The following CACNA2D3 variants were observed in gnomAD, a reference collection of about 807,000 sequenced individuals.
CACNA2D3 encodes the protein voltage-dependent calcium channel subunit alpha-2/delta-3.
CACNA2D3 carries 60 observed loss-of-function variants against 160.6 expected under a neutral mutation model. The observed-to-expected ratio is 0.37, with a 90% CI of 0.30 to 0.46. The LOEUF is 0.46. Among genes scored for constraint, CACNA2D3 ranks in the 20% least tolerant of loss-of-function variants. The probability of loss-of-function intolerance (pLI) is 1.00; values close to 1 mark genes in which losing one functional copy is unlikely to be tolerated. For synonymous variants in CACNA2D3, 558 were observed against 492.9 expected, an observed-to-expected ratio of 1.13 and a Z score of -1.75; for missense variants, 1,205 against 1,365.0, an observed-to-expected ratio of 0.88 and a Z score of 1.85.
chr3:54,265,647 TATATATATA>T (rs1286143727), intron 2 of CACNA2D3, among the ~76,000 whole-genome samples: 3 of 70,958 alleles, frequency 4.2e-5, no homozygotes, highest in African/African-American at 1.4e-4. Context: ...ATATAGTGTG[TATATATATA>T]GTGTATATAT....
chr3:54,416,036 A>G (rs1271561456), intron 4 of CACNA2D3, among the ~76,000 whole-genome samples: 1 of 152,250 alleles, frequency 6.6e-6, no homozygotes, highest in Non-Finnish European at 1.5e-5. Flanking sequence ...TAAATTAGAT[A>G]TAATAACTTA....
chr3:54,840,944 G>A (rs1698807423), intron 16 of CACNA2D3, among the ~76,000 whole-genome samples: 1 of 150,916 alleles, frequency 6.6e-6, no homozygotes, highest in African/African-American at 2.4e-5. Context: ...GGATGGTCTC[G>A]ACCTCCTGAC....
chr3:54,466,203 T>C lies in CACNA2D3; in HGVS notation c.382-37289T>C, dbSNP rs541697049. 2.6e-4 allele frequency among the ~76,000 whole-genome samples: 40 copies of C among 152,340 alleles called. 2 individuals carry two copies. The South Asian group carries it at 7.9e-3, about 30-fold the overall frequency. ...TACCCCTAGATTAGTGTTTGAATAA[T>C]CAAGGGATAGGAATCTTGGATGGGA... is the stretch of plus-strand genomic sequence containing the variant. On this transcript the variant is annotated intron_variant, in intron 4 of 37. Transcript: ENST00000474759.
At chr3:54,651,489 A>G (rs1699763333) in intron 11 of CACNA2D3, among the ~76,000 whole-genome samples, 1 of 150,014 alleles carries the variant, frequency 6.7e-6, no homozygotes, top group African/African-American at 2.4e-5. Context: ...GGGCTGCTGG[A>G]GGATCCTTGG....
rs769436605 is a variant in CACNA2D3 at position 55,018,338 on chromosome 3, C to T, written c.2987+21C>T. ...TCCAAGTAAGCCATCCCCCCACCCT[C>T]TAACCCCCTACACCTTTCTGCTCAG... On this transcript the variant is annotated intron_variant, in intron 35 of 37. Coordinates refer to ENST00000474759, the MANE Select transcript of CACNA2D3 (RefSeq NM_018398.3). 3.9e-5 allele frequency: 56 copies of T among 1,443,876 alleles called. No homozygotes were observed. In the Middle Eastern group the frequency reaches 5.2e-4, roughly 13 times the overall value. The allele number at this position is 1,443,876 out of a possible 1,614,324, so 89.4% of individuals were successfully genotyped here.
chr3:54,817,898 G>A (rs189956866), intron 14 of CACNA2D3, among the ~76,000 whole-genome samples: 7 of 152,260 alleles, frequency 4.6e-5, no homozygotes, highest in East Asian at 1.9e-4. Flanking sequence ...ACAAAAGGAC[G>A]GAATACTTCA....
chr3:54,596,541 A>G (rs1702957941), intron 9 of CACNA2D3, among the ~76,000 whole-genome samples: 1 of 152,086 alleles, frequency 6.6e-6, no homozygotes, highest in Admixed American at 6.6e-5. Flanking sequence ...CTTCACTGTC[A>G]GAAGCGTCCC....
chr3:54,956,869 A>C (rs1701910379), intron 27 of CACNA2D3, among the ~76,000 whole-genome samples: 1 of 152,130 alleles, frequency 6.6e-6, no homozygotes, highest in Non-Finnish European at 1.5e-5. Context: ...CACCGAGAGC[A>C]CACTACATCT....
chr3:54,206,915 G>A (rs1041003354), intron 2 of CACNA2D3, among the ~76,000 whole-genome samples: 7 of 152,236 alleles, frequency 4.6e-5, no homozygotes, highest in African/African-American at 1.7e-4. Context: ...TCTCTTCCAA[G>A]GAGTGACTTG....
intron 4 of CACNA2D3, among the ~76,000 whole-genome samples, chr3:54,496,301 C>T (rs1003731293): frequency 1.4e-4 from 22 of 152,174 alleles, no homozygotes; most frequent in African/African-American, 5.3e-4. Flanking sequence ...GCTCCATATC[C>T]TTGGCAATGT....
chr3:54,903,485 C>T (rs1308265499), intron 27 of CACNA2D3, among the ~76,000 whole-genome samples: 1 of 152,146 alleles, frequency 6.6e-6, no homozygotes, highest in Non-Finnish European at 1.5e-5. Context: ...GATTCCATGT[C>T]TTTGCTATTG....
At chr3:55,069,685 T>C (rs1025789583) in intron 35 of CACNA2D3, among the ~76,000 whole-genome samples, 18 of 152,186 alleles carry the variant, frequency 1.2e-4, no homozygotes, top group African/African-American at 3.1e-4. Context: ...GGGTGATTGA[T>C]TGGGTAGAAT....
intron 2 of CACNA2D3, among the ~76,000 whole-genome samples, chr3:54,274,504 G>A (rs989849466): frequency 8.5e-5 from 13 of 152,132 alleles, no homozygotes; most frequent in Admixed American, 3.9e-4. Flanking sequence ...CTGTGTGTTC[G>A]GGGTCATTGT....
intron 3 of CACNA2D3, 94 bp from the exon 4 acceptor site, chr3:54,386,621 A>G (rs1699190057): frequency 8.7e-7 from 1 of 1,152,978 alleles, no homozygotes; most frequent in Admixed American, 2.4e-5. Context: ...ATGAACCACG[A>G]TATAATATGT....
chr3:54,712,991 G>C (rs1233767936), intron 11 of CACNA2D3, among the ~76,000 whole-genome samples: 1 of 152,174 alleles, frequency 6.6e-6, no homozygotes, highest in Non-Finnish European at 1.5e-5. Flanking sequence ...ATGGGGACAG[G>C]GGTAGGGGAA....
Position 55,074,169 on chromosome 3 carries a change from TTCTGCTCCC to T in CACNA2D3, c.3246_3254del (p.Pro1083_Leu1085del), listed in dbSNP as rs1412066301. 3.1e-6 allele frequency: 5 copies of T among 1,613,678 alleles called. No individual in the cohort carries two copies. The highest frequency in any genetic ancestry group is 4.5e-5 in the East Asian group (2 of 44,882). On this transcript the variant is annotated inframe_deletion, in exon 38 of 38. Coordinates refer to ENST00000474759, the MANE Select transcript of CACNA2D3 (RefSeq NM_018398.3). Reference sequence around the variant, plus strand: ...AGTCTCCAAGCCCAGACAGTCCTCCTTCTGCTCCCTCTGCTTTTGATGCTCTTCTCAAGG... The same window carrying T: ...AGTCTCCAAGCCCAGACAGTCCTCCTTCTGCTTTTGATGCTCTTCTCAAGG...
chr3:54,468,776 G>T (rs952558568), intron 4 of CACNA2D3, among the ~76,000 whole-genome samples: 1 of 152,158 alleles, frequency 6.6e-6, no homozygotes, highest in Non-Finnish European at 1.5e-5. Flanking sequence ...GGCTTGAGTA[G>T]GTGGTTTACC....
chr3:54,423,660 A>G (rs939516850), intron 4 of CACNA2D3, among the ~76,000 whole-genome samples: 15 of 152,170 alleles, frequency 9.9e-5, no homozygotes, highest in Non-Finnish European at 1.5e-5. Flanking sequence ...GACTCTGTAC[A>G]TAGGCCCTGG....
At chr3:54,444,115 T>C (rs1700185145) in intron 4 of CACNA2D3, among the ~76,000 whole-genome samples, 1 of 152,116 alleles carries the variant, frequency 6.6e-6, no homozygotes, top group African/African-American at 2.4e-5. Flanking sequence ...TCTATTTCCT[T>C]CTTCTTTTCA....
Sources: allele counts gnomAD v4.1 joint callset (sites outside exome capture counted in the v4.1 genomes callset), GRCh38; gene constraint gnomAD v4.1.1; transcripts MANE v1.5; gene names NCBI Gene and HGNC (gene_info 2026-07-23, HGNC 2026-07-21).